The following GPR158 variants were observed in gnomAD, a reference collection of about 807,000 sequenced individuals.
The protein encoded by GPR158 is metabotropic glycine receptor.
A neutral mutation model predicts 78.2 loss-of-function variants in GPR158; 30 were observed. That is an observed-to-expected ratio of 0.38 (90% CI 0.29 to 0.52). The LOEUF is 0.52. GPR158 is among the 20% of genes least tolerant of loss of function. GPR158 has a pLI of 0.83. For synonymous variants in GPR158, 581 were observed against 591.1 expected, an observed-to-expected ratio of 0.98 and a Z score of 0.25; for missense variants, 1,463 against 1,523.5, an observed-to-expected ratio of 0.96 and a Z score of 0.66.
chr10:25,410,959 T>G (rs1389047551), intron 3 of GPR158, among the ~76,000 whole-genome samples: 1 of 152,220 alleles, frequency 6.6e-6, no homozygotes, highest in African/African-American at 2.4e-5. Flanking sequence ...AAACTGAGTA[T>G]TATTAAAATG....
chr10:25,558,597 A>G (rs918487545), intron 6 of GPR158, among the ~76,000 whole-genome samples: 1 of 152,122 alleles, frequency 6.6e-6, no homozygotes, highest in South Asian at 2.1e-4. Flanking sequence ...GGCTGCACCC[A>G]TGATTTCTGT....
chr10:25,467,591 A>T (rs1463855117), intron 5 of GPR158, among the ~76,000 whole-genome samples: 1 of 152,202 alleles, frequency 6.6e-6, no homozygotes, highest in Non-Finnish European at 1.5e-5. Context: ...AATAAAACCT[A>T]TCTAATGAGA....
At chr10:25,466,801 C>CAT in intron 5 of GPR158, 82 bp downstream of exon 5, 2 of 564,886 alleles carry the variant, frequency 3.5e-6, no homozygotes, top group Non-Finnish European at 6.0e-6. Context: ...CACACACACA[C>CAT]ACACATACAC....
intron 5 of GPR158, among the ~76,000 whole-genome samples, chr10:25,523,758 G>A (rs1408107123): frequency 6.6e-6 from 1 of 151,988 alleles, no homozygotes; most frequent in East Asian, 1.9e-4. Flanking sequence ...CTAAGATCAG[G>A]AATCACACAA....
At chr10:25,432,924 G>A (rs1834932475) in intron 4 of GPR158, among the ~76,000 whole-genome samples, 1 of 152,100 alleles carries the variant, frequency 6.6e-6, no homozygotes, top group Non-Finnish European at 1.5e-5. Context: ...AGATAATAAA[G>A]AAATAAAGAA....
chr10:25,369,836 C>T (rs1384406897), intron 2 of GPR158, among the ~76,000 whole-genome samples: 1 of 152,108 alleles, frequency 6.6e-6, no homozygotes, highest in Admixed American at 6.6e-5. Flanking sequence ...ATTATTGCTA[C>T]AATTTCAGCT....
At chr10:25,266,820 AAAC>A (rs1456783435) in intron 2 of GPR158, among the ~76,000 whole-genome samples, 3 of 152,304 alleles carry the variant, frequency 2.0e-5, no homozygotes, top group South Asian at 2.1e-4. Context: ...ATGATCCTAG[AAAC>A]AACATGTGAG....
intron 5 of GPR158, among the ~76,000 whole-genome samples, chr10:25,527,247 T>C (rs1836361455): frequency 6.6e-6 from 1 of 152,148 alleles, no homozygotes. Flanking sequence ...ACTGTACAAG[T>C]GGTATAGACT....
At chr10:25,361,737 A>G (rs1380036847) in intron 2 of GPR158, among the ~76,000 whole-genome samples, 1 of 152,014 alleles carries the variant, frequency 6.6e-6, no homozygotes, top group East Asian at 1.9e-4. Context: ...ATTGTATGTC[A>G]TCTTTGGAGA....
At chr10:25,239,275 C>T (rs148269616) in intron 2 of GPR158, among the ~76,000 whole-genome samples, 13 of 152,060 alleles carry the variant, frequency 8.5e-5, no homozygotes, top group Admixed American at 2.0e-4. Flanking sequence ...GACGCCCAGC[C>T]GCAACCAAAC....
intron 2 of GPR158, among the ~76,000 whole-genome samples, chr10:25,240,235 AC>A (rs1414583717): frequency 5.3e-5 from 8 of 152,240 alleles, no homozygotes; most frequent in Non-Finnish European, 1.2e-4. Context: ...TTGGCCAGGC[AC>A]AGTGGCTCAT....
At chr10:25,554,338 A>C (rs184264313) in intron 6 of GPR158, among the ~76,000 whole-genome samples, 19 of 152,296 alleles carry the variant, frequency 1.2e-4, no homozygotes, top group African/African-American at 4.6e-4. Context: ...TCCCTTGAGG[A>C]TAGGACACGC....
chr10:25,235,669 C>T (rs1445521754), intron 2 of GPR158, among the ~76,000 whole-genome samples: 2 of 148,328 alleles, frequency 1.3e-5, no homozygotes, highest in East Asian at 2.0e-4. Context: ...TTTTTTTAGC[C>T]TATGTAAAGT....
chr10:25,434,140 G>A (rs961496329), intron 4 of GPR158, among the ~76,000 whole-genome samples: 8 of 151,982 alleles, frequency 5.3e-5, no homozygotes, highest in Admixed American at 3.3e-4. Flanking sequence ...CAGCCTGGGC[G>A]ACACAGCAAG....
At position 25,599,211 on chromosome 10, in the gene GPR158, T is replaced by C. The variant is rs1453604066; in HGVS notation, c.3585T>C (p.Ala1195=). The C allele has an allele frequency of 1.1e-5, 17 of 1,612,406 alleles. No individual in the cohort carries two copies. Among genetic ancestry groups the C allele is most frequent in the Non-Finnish European group, 1.4e-5 (17 of 1,179,870 alleles). Residue 1195 remains alanine, a synonymous_variant, in exon 11 of 11, where the codon GCT becomes GCC. Transcript: ENST00000376351. ...GTGTAGCTTTACCTGCCTCTTCTGC[T>C]CTAAGTGCAAATAAGATAGCAGGGC... The part of the protein sequence containing the change: ...GRSVALPASS[A]LSANKIAGPR...
At chr10:25,338,455 A>AT (rs1855246837) in intron 2 of GPR158, among the ~76,000 whole-genome samples, 1 of 136,858 alleles carries the variant, frequency 7.3e-6, no homozygotes, top group East Asian at 2.0e-4. Flanking sequence ...TACGTAATAT[A>AT]TATATTACGT....
chr10:25,399,447 G>A (rs1019540649), intron 3 of GPR158, among the ~76,000 whole-genome samples: 2 of 152,068 alleles, frequency 1.3e-5, no homozygotes, highest in Non-Finnish European at 2.9e-5. Flanking sequence ...AGGGATCTAG[G>A]TTGCATGCTC....
In GPR158 at chr10:25,581,982, G is replaced by A. The variant is rs115036648; in HGVS notation, c.1754-7025G>A. ...AGGTGAAAGGCACGTCTTAAATGGC[G>A]GCAGGCAACGAGAGAATGAGAACCA... On this transcript the variant is annotated intron_variant, in intron 7 of 10. Transcript: ENST00000376351. Among the ~76,000 whole-genome samples, 414 of 151,980 alleles carry A rather than the reference G, an allele frequency of 2.7e-3. 1 individual carries two copies. Among genetic ancestry groups the A allele is most frequent in the African/African-American group, 9.4e-3 (390 of 41,540 alleles).
At chr10:25,179,552 TA>T (rs1852588136) in intron 1 of GPR158, among the ~76,000 whole-genome samples, 1 of 152,178 alleles carries the variant, frequency 6.6e-6, no homozygotes, top group African/African-American at 2.4e-5. Flanking sequence ...AAGTTCAACA[TA>T]AAAATATCTT....
Sources: allele counts gnomAD v4.1 joint callset (sites outside exome capture counted in the v4.1 genomes callset), GRCh38; gene constraint gnomAD v4.1.1; transcripts MANE v1.5; gene names NCBI Gene and HGNC (gene_info 2026-07-23, HGNC 2026-07-21).